The following EDRF1 variants were observed in gnomAD, a reference collection of about 807,000 sequenced individuals.
The protein encoded by EDRF1 is erythroid differentiation regulatory factor 1.
A neutral mutation model predicts 148.7 loss-of-function variants in EDRF1; 69 were observed. That is an observed-to-expected ratio of 0.46 (90% CI 0.38 to 0.57). The LOEUF is 0.57. Ranked by LOEUF, EDRF1 falls within the 20% of genes least tolerant of loss-of-function variation. The pLI, the probability that EDRF1 is intolerant of heterozygous loss-of-function variation, is 0.00. For synonymous variants in EDRF1, 515 were observed against 532.8 expected (o/e 0.97, Z 0.46); for missense variants, 1,118 against 1,478.7 (o/e 0.76, Z 4.00).
intron 15 of EDRF1, 94 bp from the exon 16 acceptor site, chr10:125,740,369 G>A: frequency 8.0e-7 from 1 of 1,245,378 alleles, no homozygotes; most frequent in Non-Finnish European, 1.2e-6. Context: ...CCTAAGTCTA[G>A]AGTGTTTCCA....
intron 7 of EDRF1, 33 bp downstream of exon 7, chr10:125,729,137 A>G (rs758752488): frequency 6.5e-6 from 10 of 1,528,692 alleles, no homozygotes; most frequent in Non-Finnish European, 8.8e-6. Context: ...GGTGACAGCA[A>G]ATCCCCAGTC....
intron 1 of EDRF1, 39 bp downstream of exon 1, chr10:125,719,954 G>C: frequency 1.9e-6 from 3 of 1,578,024 alleles, no homozygotes; most frequent in Non-Finnish European, 2.6e-6. Flanking sequence ...AGGGATGTGG[G>C]AGCGGAGGAC....
chr10:125,738,175 A>G (rs1244491292), intron 14 of EDRF1, 120 bp from the exon 15 acceptor site: 1 of 1,425,042 alleles, frequency 7.0e-7, no homozygotes, highest in Non-Finnish European at 9.8e-7. Context: ...AGTTTTTGAA[A>G]GTCTGTTTGT....
In EDRF1 at chr10:125,723,913, G is replaced by C. The variant is rs1198357031; in HGVS notation, c.487G>C (p.Glu163Gln). 1.2e-5 allele frequency: 19 copies of C among 1,613,544 alleles called. No individual in the cohort carries two copies. The highest frequency in any genetic ancestry group is 1.5e-5 in the Non-Finnish European group (18 of 1,179,616). Residue 163 changes from glutamate to glutamine, a missense_variant, in exon 4 of 25, where the codon GAA (glutamate) becomes CAA (glutamine). Glu to Gln is a conservative substitution (Grantham distance 29, BLOSUM62 2). Around this residue, in one of 3 missense-constraint regions of EDRF1, gnomAD observed 99 missense variants for 186.9 expected, o/e 0.53. Coordinates refer to ENST00000356792, the MANE Select transcript of EDRF1 (RefSeq NM_001202438.2). ...TLLLDELDIQ[E>Q]LFMRSSQTGD... ...CTTACTAGATGAGCTAGATATTCAA[G>C]AACTCTTTATGAGATCGTCTCAGGT...
chr10:125,745,310 C>T, intron 18 of EDRF1: 1 of 218,142 alleles, frequency 4.6e-6, no homozygotes, highest in South Asian at 8.3e-5. Context: ...TCTACCTTGG[C>T]TTGCAGATAA....
chr10:125,756,719 T>C, intron 24 of EDRF1: 1 of 355,600 alleles, frequency 2.8e-6, no homozygotes, highest in Non-Finnish European at 5.3e-6. Context: ...GTTCTTTTGG[T>C]TAATGTCTTT....
intron 19 of EDRF1, chr10:125,747,272 T>C: frequency 2.1e-6 from 1 of 479,262 alleles, no homozygotes; most frequent in Non-Finnish European, 3.7e-6. Flanking sequence ...ATGCTCAGCC[T>C]GAGTCAGAAA....
At chr10:125,746,064 T>C (rs912201511) in intron 19 of EDRF1, 134 bp downstream of exon 19, 1 of 767,676 alleles carries the variant, frequency 1.3e-6, no homozygotes, top group Non-Finnish European at 2.2e-6. Context: ...AGACAGATCG[T>C]GAAAACACTT....
At chr10:125,741,469 C>T (rs888903731) in intron 17 of EDRF1, 14 of 442,274 alleles carry the variant, frequency 3.2e-5, no homozygotes, top group African/African-American at 1.6e-4. Context: ...AGGCATGCGC[C>T]ACCATGCCCG....
chr10:125,730,229 A>G (rs1848430574), intron 8 of EDRF1, 59 bp from the exon 9 acceptor site: 2 of 1,298,288 alleles, frequency 1.5e-6, no homozygotes, highest in African/African-American at 1.5e-5. Context: ...TAACTTTCAG[A>G]TGATTAATTA....
At chr10:125,740,249 G>T (rs571723273) in intron 15 of EDRF1, among the ~76,000 whole-genome samples, 1 of 152,322 alleles carries the variant, frequency 6.6e-6, no homozygotes, top group Admixed American at 6.5e-5. Flanking sequence ...CAGAGTTGCC[G>T]ATGTCAGGGA....
chr10:125,737,790 ATGT>A, intron 13 of EDRF1, 125 bp from the exon 14 acceptor site: 1 of 882,526 alleles, frequency 1.1e-6, no homozygotes, highest in Non-Finnish European at 1.9e-6. Context: ...AGCAACATAT[ATGT>A]TGTAGGATCT....
At chr10:125,740,873 C>G (rs553460307) in intron 16 of EDRF1, 128 bp from the exon 17 acceptor site, 1 of 1,168,602 alleles carries the variant, frequency 8.6e-7, no homozygotes, top group East Asian at 2.4e-5. Context: ...ATTGTTGGAC[C>G]TAAAATAAAC....
Position 125,725,766 on chromosome 10 carries a change from G to A in EDRF1, c.720G>A (p.Ser240=), listed in dbSNP as rs372228002. 2.6e-5 allele frequency: 42 copies of A among 1,613,942 alleles called. No homozygotes were observed. The highest frequency in any genetic ancestry group is 1.6e-4 in the Middle Eastern group (1 of 6,062). ...CCAGTTCAGATCAGACAAATGATTC[G>A]GAAGGGGCTTCATGGCCTGCTCCCT... ...ESSSSDQTND[S]EGASWPAPFE... The change falls in exon 6 of 25, where the codon TCG becomes TCA. Residue 240 remains serine (S), a synonymous_variant. Transcript: ENST00000356792.
At position 125,721,291 on chromosome 10, in the gene EDRF1, C is replaced by T. The variant is rs915735892; in HGVS notation, c.196C>T (p.Arg66Cys). Reference protein sequence around the residue: ...SSAPPRTAFARLEEKTDLKLP... With the variant: ...SSAPPRTAFACLEEKTDLKLP... ...TGCCCCTCCTCGAACAGCATTTGCA[C>T]GCCTTGAAGAGAAAACAGACTTGAA... Residue 66 changes from arginine (R) to cysteine (C), a missense_variant, in exon 2 of 25, where the codon CGC becomes TGC. Arg to Cys is a radical substitution (Grantham distance 180). Transcript: ENST00000356792. 1 of 1,614,164 alleles carries T rather than the reference C, an allele frequency of 6.2e-7. No individual in the cohort carries two copies. Among genetic ancestry groups the T allele is most frequent in the Non-Finnish European group, 8.5e-7 (1 of 1,180,030 alleles).
Position 125,735,723 on chromosome 10 carries a change from C to A in EDRF1, c.1577C>A (p.Pro526His), listed in dbSNP as rs267602408. 1 of 1,613,380 alleles carries A rather than the reference C, an allele frequency of 6.2e-7. No individual in the cohort carries two copies. The highest frequency in any genetic ancestry group is 1.3e-5 in the African/African-American group (1 of 74,854). Residue 526 changes from proline to histidine, a missense_variant, in exon 13 of 25, where the codon CCT becomes CAT. Physicochemically the swap from Pro to His is moderately conservative, Grantham distance 77. This residue lies in a region of EDRF1 where 954 missense variants were observed against 1,241.4 expected (regional missense o/e 0.77). Transcript: ENST00000356792. Reference sequence around the variant, plus strand: ...AAAAAGGAAGAAAATTCAGAATCTCCTTTAAATGAGAATTCTGATGAAAGT... The same window carrying A: ...AAAAAGGAAGAAAATTCAGAATCTCATTTAAATGAGAATTCTGATGAAAGT... ...EPKKEENSES[P>H]LNENSDESYS... is the part of the protein sequence containing the mutation.
intron 24 of EDRF1, among the ~76,000 whole-genome samples, chr10:125,758,995 C>G (rs544571133): frequency 6.6e-6 from 1 of 152,168 alleles, no homozygotes; most frequent in Non-Finnish European, 1.5e-5. Context: ...TGTCTTCCCC[C>G]ACCCCCATTG....
Position 125,749,294 on chromosome 10 carries a change from G to A in EDRF1, c.3124-118G>A. On this transcript the variant is annotated intron_variant, in intron 21 of 24. Transcript: ENST00000356792. The stretch of plus-strand genomic sequence containing the variant: ...ATGGATTAAAGACCTAAATATAAAA[G>A]CTAAAACTAATAAGACCTAGTAAGA... 4 of 1,158,852 alleles carry A rather than the reference G, an allele frequency of 3.5e-6. No individual in the cohort carries two copies. The South Asian group carries it at 5.0e-5, about 15-fold the overall frequency. 71.8% of individuals were successfully genotyped at this position (1,158,852 alleles called of 1,614,324 possible).
At chr10:125,740,793 C>T (rs1023407517) in intron 16 of EDRF1, 142 bp downstream of exon 16, 2 of 1,124,934 alleles carry the variant, frequency 1.8e-6, no homozygotes, top group South Asian at 1.3e-5. Flanking sequence ...GTGTGTGTTA[C>T]CTTCTATTTT....
Sources: allele counts gnomAD v4.1 joint callset (sites outside exome capture counted in the v4.1 genomes callset), GRCh38; gene constraint gnomAD v4.1.1; regional missense constraint gnomAD v4.1.1; transcripts MANE v1.5; gene names NCBI Gene and HGNC (gene_info 2026-07-23, HGNC 2026-07-21).